DPYD: variants seen among roughly 807,000 people sequenced by gnomAD.
The protein encoded by DPYD is dihydropyrimidine dehydrogenase [NADP(+)].
In DPYD, 109 loss-of-function variants were observed where a neutral mutation model predicts 116.2. The ratio of observed to expected loss-of-function variants is 0.94; its 90% confidence interval spans 0.80 to 1.10. The LOEUF is 1.10. Among genes scored for constraint, DPYD ranks in the 50% least tolerant of loss-of-function variants. The probability of loss-of-function intolerance (pLI) is 0.00; values close to 1 mark genes in which losing one functional copy is unlikely to be tolerated. For synonymous variants in DPYD, 440 were observed against 432.0 expected (o/e 1.02, Z -0.23); for missense variants, 1,302 against 1,254.5 (o/e 1.04, Z -0.57).
intron 3 of DPYD, among the ~76,000 whole-genome samples, chr1:97,799,838 C>G (rs544235310): frequency 5.3e-5 from 8 of 151,970 alleles, no homozygotes; most frequent in African/African-American, 1.7e-4. Context: ...AGAAAGTTCA[C>G]GTTGCCTAGA....
intron 18 of DPYD, among the ~76,000 whole-genome samples, chr1:97,250,985 A>G (rs1460735171): frequency 6.6e-6 from 1 of 152,230 alleles, no homozygotes; most frequent in Non-Finnish European, 1.5e-5. Flanking sequence ...CAAAATGTCC[A>G]TCTCAAAAGT....
chr1:97,545,850 T>C, intron 12 of DPYD: 1 of 1,107,670 alleles, frequency 9.0e-7, no homozygotes, highest in Non-Finnish European at 1.4e-6. Flanking sequence ...TCCCTTACAT[T>C]GAAGAGGACA....
intron 5 of DPYD, among the ~76,000 whole-genome samples, chr1:97,713,162 T>C (rs189067932): frequency 1.3e-5 from 2 of 152,262 alleles, no homozygotes; most frequent in Non-Finnish European, 2.9e-5. Flanking sequence ...TGATTCATGT[T>C]GATACAATAA....
At chr1:97,822,665 T>G (rs1219526513) in intron 3 of DPYD, among the ~76,000 whole-genome samples, 1 of 152,114 alleles carries the variant, frequency 6.6e-6, no homozygotes, top group African/African-American at 2.4e-5. Context: ...AATGCAGCAG[T>G]AATTTTCAAT....
At chr1:97,186,721 C>T (rs563819780) in intron 20 of DPYD, among the ~76,000 whole-genome samples, 12 of 152,010 alleles carry the variant, frequency 7.9e-5, no homozygotes, top group South Asian at 4.1e-4. Context: ...TGGTGGCAGA[C>T]GCCTGTAATC....
intron 5 of DPYD, among the ~76,000 whole-genome samples, chr1:97,703,986 G>T (rs928126746): frequency 6.6e-6 from 1 of 151,962 alleles, no homozygotes; most frequent in East Asian, 1.9e-4. Flanking sequence ...GGCAATACAT[G>T]AGGGCTCATT....
intron 14 of DPYD, among the ~76,000 whole-genome samples, chr1:97,397,959 A>G (rs1281775945): frequency 1.3e-5 from 2 of 150,626 alleles, no homozygotes; most frequent in Non-Finnish European, 3.0e-5. Flanking sequence ...TTTTTTTTAA[A>G]TTATACTTTA....
At chr1:97,175,577 A>T (rs1410013037) in intron 20 of DPYD, among the ~76,000 whole-genome samples, 1 of 152,226 alleles carries the variant, frequency 6.6e-6, no homozygotes, top group Non-Finnish European at 1.5e-5. Context: ...TTCATTCAAC[A>T]GAAGTCTTCT....
chr1:97,549,266 A>G (rs755955584), intron 12 of DPYD, among the ~76,000 whole-genome samples: 2 of 151,872 alleles, frequency 1.3e-5, no homozygotes, highest in African/African-American at 2.4e-5. Flanking sequence ...GGATATTCCT[A>G]TGTTGCCCAG....
chr1:97,681,344 G>T (rs1660416835), intron 7 of DPYD, among the ~76,000 whole-genome samples: 1 of 152,066 alleles, frequency 6.6e-6, no homozygotes, highest in Non-Finnish European at 1.5e-5. Flanking sequence ...TGTGTTTCAA[G>T]AATATAAAGT....
intron 18 of DPYD, among the ~76,000 whole-genome samples, chr1:97,259,011 C>T (rs538035398): frequency 2.0e-5 from 3 of 152,056 alleles, no homozygotes; most frequent in Middle Eastern, 3.4e-3. Flanking sequence ...CAGGTTAATG[C>T]CATTTACTGT....
intron 13 of DPYD, among the ~76,000 whole-genome samples, chr1:97,463,038 T>G (rs1017307963): frequency 9.9e-5 from 15 of 152,184 alleles, no homozygotes; most frequent in African/African-American, 3.6e-4. Context: ...TCTCTGAATC[T>G]ATGACTTGGA....
intron 5 of DPYD, among the ~76,000 whole-genome samples, chr1:97,716,731 A>G (rs1662636792): frequency 6.6e-6 from 1 of 152,052 alleles, no homozygotes; most frequent in African/African-American, 2.4e-5. Flanking sequence ...TTCAACATTC[A>G]TTTGAGAATT....
chr1:97,482,479 C>T (rs1279187995), intron 13 of DPYD, among the ~76,000 whole-genome samples: 1 of 152,136 alleles, frequency 6.6e-6, no homozygotes, highest in Non-Finnish European at 1.5e-5. Flanking sequence ...AGTGCTAACA[C>T]AGAAAATGTA....
chr1:97,087,417 A>G (rs778219645), intron 21 of DPYD, among the ~76,000 whole-genome samples: 1 of 152,212 alleles, frequency 6.6e-6, no homozygotes. Context: ...GAATATGCTG[A>G]GAGCAGAGGG....
chr1:97,440,004 G>A (rs557886562), intron 14 of DPYD, among the ~76,000 whole-genome samples: 73 of 151,662 alleles, frequency 4.8e-4, no homozygotes, highest in Middle Eastern at 3.4e-3. Flanking sequence ...GGCCGGGCGC[G>A]GTGGCTCACG....
intron 3 of DPYD, among the ~76,000 whole-genome samples, chr1:97,771,132 A>G (rs1280942406): frequency 6.6e-6 from 1 of 152,036 alleles, no homozygotes; most frequent in African/African-American, 2.4e-5. Context: ...AGCCTGGCCA[A>G]CATGGTGAAA....
intron 13 of DPYD, among the ~76,000 whole-genome samples, chr1:97,456,494 G>C (rs1676694319): frequency 6.6e-6 from 1 of 151,976 alleles, no homozygotes; most frequent in Non-Finnish European, 1.5e-5. Context: ...CAAGTCCCAA[G>C]TCTACAAGTT....
chr1:97,167,967 GTACATTATTTTTAATAAAA>G (rs1419197036), intron 20 of DPYD, among the ~76,000 whole-genome samples: 1 of 152,088 alleles, frequency 6.6e-6, no homozygotes, highest in Non-Finnish European at 1.5e-5. Context: ...ATAGTCATAA[GTACATTATTTTTAATAAAA>G]TAACATATCC....
Sources: gnomAD v4.1 joint callset for allele counts (sites outside exome capture counted in the v4.1 genomes callset) on GRCh38, gnomAD v4.1.1 for gene constraint, MANE v1.5 for transcripts, NCBI Gene and HGNC (gene_info 2026-07-23, HGNC 2026-07-21) for gene names.